SCMH1: variants seen among roughly 807,000 people sequenced by gnomAD.
The protein encoded by SCMH1 is Scm polycomb group protein homolog 1.
A neutral mutation model predicts 70.8 loss-of-function variants in SCMH1; 37 were observed. The ratio of observed to expected loss-of-function variants is 0.52; its 90% CI spans 0.40 to 0.69. SCMH1 has a LOEUF of 0.69. SCMH1 is among the 30% of genes least tolerant of loss of function. The pLI is 0.00. For synonymous variants in SCMH1, 292 were observed against 307.4 expected, an observed-to-expected ratio of 0.95 and a Z score of 0.52; for missense variants, 607 against 827.3, an observed-to-expected ratio of 0.73 and a Z score of 3.27.
intron 9 of SCMH1, among the ~76,000 whole-genome samples, chr1:41,071,505 AAAAT>A (rs1656481028): frequency 6.6e-6 from 1 of 152,162 alleles, no homozygotes; most frequent in Non-Finnish European, 1.5e-5. Flanking sequence ...TACTTAGCAT[AAAAT>A]AAGTGTAAAT....
chr1:41,157,986 G>T (rs1224119410), intron 4 of SCMH1, among the ~76,000 whole-genome samples: 2 of 152,184 alleles, frequency 1.3e-5, no homozygotes, highest in African/African-American at 4.8e-5. Context: ...AAGCACACAA[G>T]TAATATTCCT....
chr1:41,213,925 T>C (rs1476465147), intron 1 of SCMH1, among the ~76,000 whole-genome samples: 2 of 152,098 alleles, frequency 1.3e-5, no homozygotes, highest in Non-Finnish European at 2.9e-5. Flanking sequence ...TCAGTGAAGC[T>C]GCTGTCTCAA....
intron 8 of SCMH1, among the ~76,000 whole-genome samples, chr1:41,101,036 AAAAAG>A (rs1666483076): frequency 6.6e-6 from 1 of 152,084 alleles, no homozygotes; most frequent in Non-Finnish European, 1.5e-5. Flanking sequence ...GGAGAAAAAA[AAAAAG>A]AAGAGAGCTC....
At chr1:41,050,172 C>A in intron 10 of SCMH1, among the ~76,000 whole-genome samples, 1 of 152,204 alleles carries the variant, frequency 6.6e-6, no homozygotes, top group East Asian at 1.9e-4. Context: ...GAGACCGAGG[C>A]AGTCCTAACA....
chr1:41,168,023 A>G (rs948799410), intron 2 of SCMH1, among the ~76,000 whole-genome samples: 3 of 150,528 alleles, frequency 2.0e-5, no homozygotes, highest in Non-Finnish European at 4.4e-5. Context: ...GTTCCCTTAC[A>G]TATGACAATT....
At chr1:41,057,451 A>C (rs1368409933) in intron 10 of SCMH1, among the ~76,000 whole-genome samples, 1 of 151,802 alleles carries the variant, frequency 6.6e-6, no homozygotes, top group Non-Finnish European at 1.5e-5. Flanking sequence ...AGGTTTTGCC[A>C]TGTTGCCAGG....
At chr1:41,056,250 G>A (rs35201793) in intron 10 of SCMH1, among the ~76,000 whole-genome samples, 10,898 of 152,288 alleles carry the variant, frequency 0.072, 537 homozygotes, top group Middle Eastern at 0.12. Flanking sequence ...GAACCAACAG[G>A]CAACATGAGT....
In SCMH1 at chr1:41,046,560, C is replaced by T. The variant is rs758239420; in HGVS notation, c.1345G>A (p.Ala449Thr). Residue 449 changes from alanine (A) to threonine (T), a missense_variant, in exon 12 of 15, where the codon GCA (alanine) becomes ACA (threonine). Around this residue, in one of 3 missense-constraint regions of SCMH1, gnomAD observed 430 missense variants for 528.2 expected, o/e 0.81. Transcript: ENST00000337495. ...AGGACGTAGGTGATGCTGTTGACTG[C>T]TGGGAGGTTGAGGGTATGCTGTTCC... The T allele has an allele frequency of 8.7e-6, 14 of 1,614,066 alleles. No homozygotes were observed. The East Asian group carries it at 3.1e-4, about 36-fold the overall frequency.
chr1:41,151,730 A>C, intron 4 of SCMH1, 46 bp from the exon 5 acceptor site: 1 of 1,422,566 alleles, frequency 7.0e-7, no homozygotes, highest in Non-Finnish European at 9.8e-7. Context: ...TTCCTAAAAA[A>C]AATGTTTTCA....
intron 6 of SCMH1, among the ~76,000 whole-genome samples, chr1:41,122,516 T>G (rs1392138566): frequency 2.6e-5 from 4 of 152,238 alleles, no homozygotes; most frequent in Admixed American, 2.6e-4. Context: ...AAATCCTTGA[T>G]AGTTTTATTG....
intron 1 of SCMH1, among the ~76,000 whole-genome samples, chr1:41,208,435 T>TAAA (rs149379351): frequency 3.5e-4 from 45 of 129,746 alleles, no homozygotes; most frequent in South Asian, 3.0e-3. Context: ...AGAAAAAAAT[T>TAAA]AAAAAAAAAA....
chr1:41,070,862 G>A (rs1656236421), intron 9 of SCMH1, 141 bp from the exon 10 acceptor site: 1 of 1,031,908 alleles, frequency 9.7e-7, no homozygotes, highest in East Asian at 2.7e-5. Context: ...ACAGCATCTG[G>A]CTTAAAGCTA....
chr1:41,228,891 G>A (rs1660780102), intron 1 of SCMH1, among the ~76,000 whole-genome samples: 1 of 152,228 alleles, frequency 6.6e-6, no homozygotes, highest in Non-Finnish European at 1.5e-5. Context: ...TGCAACTGCA[G>A]TAATTCAGAA....
At chr1:41,239,872 A>G (rs1368999015) in intron 1 of SCMH1, among the ~76,000 whole-genome samples, 3 of 152,268 alleles carry the variant, frequency 2.0e-5, no homozygotes, top group African/African-American at 7.2e-5. Context: ...CTGGCCTCAA[A>G]GAGTTGCCTG....
At chr1:41,165,443 G>T (rs143420238) in intron 2 of SCMH1, among the ~76,000 whole-genome samples, 1 of 152,188 alleles carries the variant, frequency 6.6e-6, no homozygotes, top group East Asian at 1.9e-4. Flanking sequence ...TCTATTTTCA[G>T]TATTTTGAGG....
intron 1 of SCMH1, among the ~76,000 whole-genome samples, chr1:41,209,679 A>C (rs921939293): frequency 1.3e-5 from 2 of 152,274 alleles, no homozygotes; most frequent in African/African-American, 4.8e-5. Context: ...CTTCGTGCTA[A>C]AAACTCTCAA....
intron 8 of SCMH1, among the ~76,000 whole-genome samples, chr1:41,077,025 G>A (rs1474195035): frequency 2.6e-5 from 4 of 152,180 alleles, no homozygotes; most frequent in African/African-American, 9.6e-5. Context: ...TATAGGGCAG[G>A]TAGAAGATAA....
intron 10 of SCMH1, among the ~76,000 whole-genome samples, chr1:41,059,016 G>T (rs944836988): frequency 6.6e-6 from 1 of 152,186 alleles, no homozygotes; most frequent in Non-Finnish European, 1.5e-5. Context: ...ACTTGTGAAT[G>T]ATCTGTGCAG....
chr1:41,119,637 C>T (rs1024310017), intron 6 of SCMH1, among the ~76,000 whole-genome samples: 4 of 152,064 alleles, frequency 2.6e-5, no homozygotes, highest in African/African-American at 7.2e-5. Flanking sequence ...ATGAGATTGA[C>T]GTTGGAGAAG....
Sources: allele counts gnomAD v4.1 joint callset (sites outside exome capture counted in the v4.1 genomes callset), GRCh38; gene constraint gnomAD v4.1.1; regional missense constraint gnomAD v4.1.1; transcripts MANE v1.5; gene names NCBI Gene and HGNC (gene_info 2026-07-23, HGNC 2026-07-21).